OPCML: variants seen among roughly 807,000 people sequenced by gnomAD.
OPCML encodes opioid binding protein/cell adhesion molecule like, also known as opioid-binding protein/cell adhesion molecule.
Under a neutral mutation model 37.8 loss-of-function variants are expected in OPCML, and 13 were observed. The ratio of observed to expected loss-of-function variants is 0.34; its 90% CI spans 0.22 to 0.55. The LOEUF is 0.55. OPCML is among the 20% of genes least tolerant of loss of function. The pLI, the probability that OPCML is intolerant of heterozygous loss-of-function variation, is 0.91. For missense variants in OPCML, 341 were observed against 435.6 expected, an observed-to-expected ratio of 0.78 and a Z score of 1.93; for synonymous variants, 176 against 168.8, an observed-to-expected ratio of 1.04 and a Z score of -0.33.
intron 1 of OPCML, among the ~76,000 whole-genome samples, chr11:133,403,715 C>T (rs1414683321): frequency 2.6e-5 from 4 of 152,160 alleles, no homozygotes; most frequent in Non-Finnish European, 4.4e-5. Flanking sequence ...AGGAAATTGG[C>T]AAGTTGAATT....
intron 1 of OPCML, among the ~76,000 whole-genome samples, chr11:133,446,403 C>G (rs940674707): frequency 1.3e-5 from 2 of 152,100 alleles, no homozygotes; most frequent in Non-Finnish European, 2.9e-5. Context: ...TAAACCCGCC[C>G]ACTATAATAT....
intron 1 of OPCML, among the ~76,000 whole-genome samples, chr11:133,305,287 C>G (rs1162034765): frequency 6.6e-6 from 1 of 152,144 alleles, no homozygotes; most frequent in Non-Finnish European, 1.5e-5. Context: ...CCCCCCTGTA[C>G]CCCTCTCCAA....
intron 1 of OPCML, among the ~76,000 whole-genome samples, chr11:133,125,935 GTA>G (rs951537427): frequency 7.0e-6 from 1 of 143,820 alleles, no homozygotes; most frequent in African/African-American, 2.6e-5. Context: ...ATATACACAT[GTA>G]TATATAGACA....
At chr11:132,900,237 C>T (rs1361035950) in intron 2 of OPCML, among the ~76,000 whole-genome samples, 2 of 152,094 alleles carry the variant, frequency 1.3e-5, no homozygotes, top group African/African-American at 2.4e-5. Flanking sequence ...CTTTCTATTT[C>T]GATGAATGTT....
chr11:133,396,456 T>C (rs931668513), intron 1 of OPCML, among the ~76,000 whole-genome samples: 3 of 152,162 alleles, frequency 2.0e-5, no homozygotes, highest in Non-Finnish European at 4.4e-5. Flanking sequence ...GAGCAAATCC[T>C]GGCTAAGGGA....
intron 1 of OPCML, among the ~76,000 whole-genome samples, chr11:133,010,866 A>G (rs1203206692): frequency 6.6e-6 from 1 of 152,238 alleles, no homozygotes; most frequent in African/African-American, 2.4e-5. Flanking sequence ...GAAGATGAGG[A>G]ACATGAAGCT....
At chr11:133,095,275 AT>A (rs1948981474) in intron 1 of OPCML, among the ~76,000 whole-genome samples, 2 of 97,728 alleles carry the variant, frequency 2.0e-5, no homozygotes, top group Non-Finnish European at 3.8e-5. Flanking sequence ...TTTAATGTAA[AT>A]GTTTTTTTTT....
At chr11:132,823,755 A>G (rs1940133045) in intron 2 of OPCML, among the ~76,000 whole-genome samples, 1 of 151,858 alleles carries the variant, frequency 6.6e-6, no homozygotes, top group Admixed American at 6.6e-5. Context: ...AGCACACCCC[A>G]TCATCCCTTC....
chr11:133,529,470 G>A (rs1419858258), intron 1 of OPCML, among the ~76,000 whole-genome samples: 2 of 152,148 alleles, frequency 1.3e-5, no homozygotes, highest in Non-Finnish European at 2.9e-5. Context: ...CGGGCCCTCT[G>A]CCCTGTCTTG....
chr11:133,392,658 C>G (rs866709979), intron 1 of OPCML, among the ~76,000 whole-genome samples: 7 of 152,140 alleles, frequency 4.6e-5, no homozygotes, highest in African/African-American at 1.7e-4. Flanking sequence ...AGGAGTTGCC[C>G]TTTAAACTGG....
At chr11:133,158,841 G>C (rs924802029) in intron 1 of OPCML, among the ~76,000 whole-genome samples, 1 of 151,992 alleles carries the variant, frequency 6.6e-6, no homozygotes, top group Admixed American at 6.6e-5. Flanking sequence ...TCTCAGGGAG[G>C]GCTGACTGCT....
intron 2 of OPCML, among the ~76,000 whole-genome samples, chr11:132,680,003 C>G (rs1308010019): frequency 6.6e-6 from 1 of 152,108 alleles, no homozygotes; most frequent in African/African-American, 2.4e-5. Flanking sequence ...TCAATTTATT[C>G]TTCAATTTTT....
chr11:133,504,165 G>A (rs1947978600), intron 1 of OPCML, among the ~76,000 whole-genome samples: 1 of 152,152 alleles, frequency 6.6e-6, no homozygotes, highest in Admixed American at 6.5e-5. Flanking sequence ...GTAATGCAAG[G>A]CAGACCTGTC....
rs117243605 is a variant in OPCML, at chr11:132,708,508, T to A, written c.147-51189A>T. ...AAGAACAATCCTTATTATTACTTTA[T>A]ACTCAGCTATAATCAAAGGGCTTCT... is the stretch of plus-strand genomic sequence containing the variant. On this transcript the variant is annotated intron_variant, in intron 2 of 7. Coordinates refer to ENST00000524381, the MANE Select transcript of OPCML (RefSeq NM_001012393.5). Among the ~76,000 whole-genome samples, 299 of 152,352 alleles carry A rather than the reference T, an allele frequency of 2.0e-3. 7 individuals carry two copies. In the East Asian group the frequency reaches 0.051, roughly 26 times the overall value.
chr11:133,188,834 G>A (rs1053211831), intron 1 of OPCML, among the ~76,000 whole-genome samples: 1 of 152,108 alleles, frequency 6.6e-6, no homozygotes. Context: ...TACCCTGAAT[G>A]CAGTCTCTCT....
chr11:133,147,519 C>G (rs377547364), intron 1 of OPCML, among the ~76,000 whole-genome samples: 65 of 152,258 alleles, frequency 4.3e-4, no homozygotes, highest in Middle Eastern at 3.4e-3. Context: ...GCAGCAGTGA[C>G]TTTGACCTTA....
chr11:132,733,644 C>T (rs186578643), intron 2 of OPCML, among the ~76,000 whole-genome samples: 49 of 152,288 alleles, frequency 3.2e-4, no homozygotes, highest in African/African-American at 1.1e-3. Flanking sequence ...GAATGTGTGA[C>T]ATTTTCTTCA....
At chr11:133,072,456 T>G (rs1395146038) in intron 1 of OPCML, among the ~76,000 whole-genome samples, 3 of 152,150 alleles carry the variant, frequency 2.0e-5, no homozygotes, top group Non-Finnish European at 4.4e-5. Context: ...ATAGAAAATC[T>G]AGATATGGTT....
chr11:133,493,123 A>G (rs955382584), intron 1 of OPCML, among the ~76,000 whole-genome samples: 15 of 152,218 alleles, frequency 9.9e-5, no homozygotes, highest in Non-Finnish European at 2.9e-5. Flanking sequence ...TGACAAGCGC[A>G]GGATTGAGGA....
Sources: allele counts gnomAD v4.1 joint callset (sites outside exome capture counted in the v4.1 genomes callset), GRCh38; gene constraint gnomAD v4.1.1; transcripts MANE v1.5; gene names NCBI Gene and HGNC (gene_info 2026-07-23, HGNC 2026-07-21).